BCL2L15: variants seen among roughly 807,000 people sequenced by gnomAD.
BCL2L15 encodes bcl-2-like protein 15.
BCL2L15 carries 15 observed loss-of-function variants against 18.3 expected under a neutral mutation model. The ratio of observed to expected loss-of-function variants is 0.82; its 90% confidence interval spans 0.55 to 1.26. The LOEUF (loss-of-function observed/expected upper bound fraction) is 1.26. BCL2L15 is among the 50% of genes most tolerant of loss of function. BCL2L15 has a pLI of 0.00. For missense variants in BCL2L15, 180 were observed against 201.7 expected, an observed-to-expected ratio of 0.89 and a Z score of 0.65; for synonymous variants, 58 against 68.5, an observed-to-expected ratio of 0.85 and a Z score of 0.76.
chr1:113,883,502 G>A (rs1666944873), intron 2 of BCL2L15, among the ~76,000 whole-genome samples: 6 of 150,688 alleles, frequency 4.0e-5, no homozygotes, highest in South Asian at 2.1e-4. Flanking sequence ...AAAGGCGGGC[G>A]GTGGCTCACA....
Position 113,877,275 on chromosome 1 carries a change from T to C in BCL2L15, c.*3848A>G, listed in dbSNP as rs1666751792. ...CAGTTAGGGCCAGATACTGGGGGAA[T>C]TTGAATATCAGACTGTTATTTGATG... is the stretch of plus-strand genomic sequence containing the variant. On this transcript the variant is annotated 3_prime_UTR_variant, in exon 4 of 4. Transcript: ENST00000393316. 1.3e-5 allele frequency among the ~76,000 whole-genome samples: 2 copies of C among 151,362 alleles called. No homozygotes were observed. The highest frequency in any genetic ancestry group is 4.9e-5 in the African/African-American group (2 of 41,188).
In BCL2L15 at chr1:113,882,017, A is replaced by G. The variant is rs766755975; in HGVS notation, c.250-20T>C. ...TCCTGTCTGAGGAAAGACAAAGGAA[A>G]CATCAACAGAGTATCACTCAAAAAG... On this transcript the variant is annotated intron_variant, in intron 2 of 3. Coordinates refer to ENST00000393316, the MANE Select transcript of BCL2L15 (RefSeq NM_001010922.3). 1.5e-5 allele frequency: 24 copies of G among 1,602,404 alleles called. No homozygotes were observed. The highest frequency in any genetic ancestry group is 1.7e-5 in the Non-Finnish European group (20 of 1,171,140).
chr1:113,885,926 G>T (rs918094586), intron 2 of BCL2L15, among the ~76,000 whole-genome samples: 11 of 150,356 alleles, frequency 7.3e-5, no homozygotes, highest in Admixed American at 2.0e-4. Flanking sequence ...AAAAAGCATA[G>T]GCTGGGTGTG....
In BCL2L15 at chr1:113,881,755, G is replaced by T; in HGVS notation, c.474+18C>A. The T allele has an allele frequency of 6.2e-7, 1 of 1,609,896 alleles. No homozygotes were observed. The highest frequency in any genetic ancestry group is 8.5e-7 in the Non-Finnish European group (1 of 1,177,172). On this transcript the variant is annotated intron_variant, in intron 3 of 3. Coordinates refer to ENST00000393316, the MANE Select transcript of BCL2L15 (RefSeq NM_001010922.3). ...CAGTGCAAATACCTAGCAAAACCAG[G>T]AGCCCCAACAAACTTACCCAACCTC...
chr1:113,882,825 A>G (rs1425279418), intron 2 of BCL2L15, among the ~76,000 whole-genome samples: 1 of 152,078 alleles, frequency 6.6e-6, no homozygotes. Context: ...CTGTAGTCCC[A>G]ACTACTTATG....
chr1:113,887,327 T>G lies in BCL2L15; in HGVS notation c.49A>C (p.Thr17Pro). The change falls in exon 1 of 4, where the codon ACT becomes CCT. Residue 17 changes from threonine to proline, a missense_variant. Thr to Pro is a conservative substitution (Grantham distance 38). Transcript: ENST00000393316. ...FEEQTECIVN[T>P]LLMDFLSPTL... ...GGGCTCAAGAAGTCCATGAGTAGAG[T>G]GTTCACAATGCATTCCGTTTGTTCC... The G allele has an allele frequency of 6.2e-7, 1 of 1,614,060 alleles. No homozygotes were observed. The highest frequency in any genetic ancestry group is 8.5e-7 in the Non-Finnish European group (1 of 1,180,002).
chr1:113,887,168 G>T, intron 1 of BCL2L15, 81 bp downstream of exon 1: 1 of 1,389,580 alleles, frequency 7.2e-7, no homozygotes. Context: ...AAAGTGCTGG[G>T]ATTACGGGAA....
At chr1:113,886,426 C>G (rs1189573112) in intron 2 of BCL2L15, 111 bp downstream of exon 2, 1 of 1,185,990 alleles carries the variant, frequency 8.4e-7, no homozygotes, top group African/African-American at 1.6e-5. Flanking sequence ...ATATAAGCAC[C>G]CAAATATTTT....
intron 2 of BCL2L15, 26 bp downstream of exon 2, chr1:113,886,511 A>G (rs184259183): frequency 1.3e-4 from 205 of 1,592,220 alleles, no homozygotes; most frequent in Non-Finnish European, 1.7e-4. Flanking sequence ...AAAGCAGCAA[A>G]CAATAGCATG....
rs775474589 is a variant in BCL2L15 at position 113,886,590 on chromosome 1, C to T, written c.196G>A (p.Gly66Arg). ...TTTTTGGCAGAAGCTTCCAATTCTC[C>T]GTTGAACTGGTCACCCAACATCCGA... ...RLRMLGDQFNGELEASAKNVI... is the reference protein window; with the variant it reads ...RLRMLGDQFNRELEASAKNVI... The change falls in exon 2 of 4, where the codon GGA becomes AGA. Residue 66 changes from glycine to arginine, a missense_variant. Gly to Arg is a moderately radical substitution (Grantham distance 125). Coordinates refer to ENST00000393316, the MANE Select transcript of BCL2L15 (RefSeq NM_001010922.3). 5.6e-6 allele frequency: 9 copies of T among 1,613,896 alleles called. No individual in the cohort carries two copies. Among genetic ancestry groups the T allele is most frequent in the Middle Eastern group, 1.6e-4 (1 of 6,084 alleles).
At chr1:113,885,665 G>A (rs977879621) in intron 2 of BCL2L15, among the ~76,000 whole-genome samples, 1 of 152,120 alleles carries the variant, frequency 6.6e-6, no homozygotes, top group African/African-American at 2.4e-5. Flanking sequence ...CAAGTGATCC[G>A]CCCGGCTAAT....
At position 113,879,270 on chromosome 1, in the gene BCL2L15, T is replaced by G. The variant is rs1009946366; in HGVS notation, c.*1853A>C. The G allele has an allele frequency of 2.0e-5, 3 of 152,348 alleles. No homozygotes were observed. The highest frequency in any genetic ancestry group is 7.2e-5 in the African/African-American group (3 of 41,460). The allele number at this position is 152,348 out of a possible 1,614,324, so 9.4% of individuals were successfully genotyped here. On this transcript the variant is annotated 3_prime_UTR_variant, in exon 4 of 4. Transcript: ENST00000393316. ...GGGAAGTGGTTAGCTTTGTTAAACT[T>G]TAGCCAAAGTTATTAATGCTGCTTT...
Position 113,878,815 on chromosome 1 carries a change from T to C in BCL2L15, c.*2308A>G, listed in dbSNP as rs1452555926. Reference sequence around the variant, plus strand: ...TTATGGATTACTAACTTGTTGTGATTTAACTAGGAATAGAGGAAAAAGCAT... The same window carrying C: ...TTATGGATTACTAACTTGTTGTGATCTAACTAGGAATAGAGGAAAAAGCAT... On this transcript the variant is annotated 3_prime_UTR_variant, in exon 4 of 4. Coordinates refer to ENST00000393316, the MANE Select transcript of BCL2L15 (RefSeq NM_001010922.3). 1.3e-5 allele frequency: 2 copies of C among 152,278 alleles called. No individual in the cohort carries two copies. The highest frequency in any genetic ancestry group is 2.9e-5 in the Non-Finnish European group (2 of 68,026). The allele number at this position is 152,278 out of a possible 1,614,324, so 9.4% of individuals were successfully genotyped here. A position where few individuals can be genotyped will look rare whatever the true frequency, so the allele number is the denominator to read the frequency against.
chr1:113,881,582 A>G, intron 3 of BCL2L15, 191 bp downstream of exon 3: 8 of 1,421,484 alleles, frequency 5.6e-6, no homozygotes, highest in South Asian at 1.6e-5. Context: ...CTCGAGTCCA[A>G]CATCCACAGG....
chr1:113,882,012 AG>A lies in BCL2L15; in HGVS notation c.250-16del, dbSNP rs748740056. 3.9e-5 allele frequency: 63 copies of A among 1,606,006 alleles called. No individual in the cohort carries two copies. Among genetic ancestry groups the A allele is most frequent in the Non-Finnish European group, 4.8e-5 (56 of 1,173,832 alleles). The stretch of plus-strand genomic sequence containing the variant: ...ATAGCTCCTGTCTGAGGAAAGACAA[AG>A]GAAACATCAACAGAGTATCACTCAA... On this transcript the variant is annotated splice_polypyrimidine_tract_variant and intron_variant, in intron 2 of 3. Coordinates refer to ENST00000393316, the MANE Select transcript of BCL2L15 (RefSeq NM_001010922.3).
In BCL2L15 at chr1:113,884,245, C is replaced by G. The variant is rs539289544; in HGVS notation, c.250-2248G>C. Among the ~76,000 whole-genome samples, 6 of 152,280 alleles carry G rather than the reference C, an allele frequency of 3.9e-5. No individual in the cohort carries two copies. The South Asian group carries it at 1.0e-3, about 26-fold the overall frequency. On this transcript the variant is annotated intron_variant, in intron 2 of 3. Transcript: ENST00000393316. Reference sequence around the variant, plus strand: ...GCCAATTGATGCAATGCACTGAGAACACAGCAATACTTCTGTGATATTCCT... The same window carrying G: ...GCCAATTGATGCAATGCACTGAGAAGACAGCAATACTTCTGTGATATTCCT...
intron 2 of BCL2L15, among the ~76,000 whole-genome samples, chr1:113,883,709 G>A (rs1666952071): frequency 1.3e-5 from 2 of 152,072 alleles, no homozygotes; most frequent in African/African-American, 2.4e-5. Context: ...GCTTGAATCC[G>A]AGAGGCAGGG....
chr1:113,886,122 G>A (rs1236292213), intron 2 of BCL2L15, among the ~76,000 whole-genome samples: 3 of 150,324 alleles, frequency 2.0e-5, no homozygotes, highest in African/African-American at 7.4e-5. Context: ...AGGCTGCAGT[G>A]GGAGGATCGC....
chr1:113,882,631 C>T (rs574279865), intron 2 of BCL2L15, among the ~76,000 whole-genome samples: 220 of 150,776 alleles, frequency 1.5e-3, no homozygotes, highest in African/African-American at 5.2e-3. Context: ...GGCGACAGAG[C>T]GAGACTCCAT....
Sources: allele counts gnomAD v4.1 joint callset (sites outside exome capture counted in the v4.1 genomes callset), GRCh38; gene constraint gnomAD v4.1.1; transcripts MANE v1.5; gene names NCBI Gene and HGNC (gene_info 2026-07-23, HGNC 2026-07-21).